ZNF609: variants seen among roughly 807,000 people sequenced by gnomAD.
ZNF609 encodes zinc finger protein 609.
Under a neutral mutation model 109.5 loss-of-function variants are expected in ZNF609, and 11 were observed. The observed-to-expected ratio is 0.10, with a 90% confidence interval of 0.06 to 0.17. ZNF609 has a LOEUF of 0.17. Among genes scored for constraint, ZNF609 ranks in the 10% least tolerant of loss-of-function variants. The pLI, the probability that ZNF609 is intolerant of heterozygous loss-of-function variation, is 1.00. For synonymous variants in ZNF609, 646 were observed against 662.0 expected (o/e 0.98, Z 0.37); for missense variants, 1,559 against 1,772.4 (o/e 0.88, Z 2.16).
At chr15:64,570,064 TG>T (rs1298868502) in intron 2 of ZNF609, among the ~76,000 whole-genome samples, 3 of 152,232 alleles carry the variant, frequency 2.0e-5, no homozygotes, top group Admixed American at 1.3e-4. Context: ...CTCGCTATAT[TG>T]CCCAGGCTTG....
chr15:64,487,548 A>G (rs1359205981), intron 1 of ZNF609, among the ~76,000 whole-genome samples: 1 of 151,866 alleles, frequency 6.6e-6, no homozygotes, highest in Non-Finnish European at 1.5e-5. Context: ...CCCAGTTGGT[A>G]TCCCTCTCCC....
At chr15:64,543,505 G>A (rs1372045092) in intron 2 of ZNF609, among the ~76,000 whole-genome samples, 3 of 149,762 alleles carry the variant, frequency 2.0e-5, no homozygotes, top group East Asian at 2.0e-4. Flanking sequence ...GTGCAGTGGC[G>A]TGATCTCGGC....
In ZNF609 at chr15:64,678,439, C is replaced by T. The variant is rs1416244483; in HGVS notation, c.3726C>T (p.Pro1242=). ...SYSQSYDPNH[P]SYRSMPAVMM... ...GTCAGTCCTACGACCCCAACCACCC[C>T]AGCTACCGGAGCATGCCTGCTGTGA... Residue 1242 remains proline, a synonymous_variant, in exon 6 of 10, where the codon CCC becomes CCT. Transcript: ENST00000326648. 6.2e-7 allele frequency: 1 copy of T among 1,606,478 alleles called. No individual in the cohort carries two copies. Among genetic ancestry groups the T allele is most frequent in the Non-Finnish European group, 8.5e-7 (1 of 1,175,980 alleles).
chr15:64,508,820 C>T (rs991143641), intron 2 of ZNF609, among the ~76,000 whole-genome samples: 1 of 151,798 alleles, frequency 6.6e-6, no homozygotes, highest in African/African-American at 2.4e-5. Flanking sequence ...CCTACCTCCC[C>T]AGTAGCTGGG....
chr15:64,651,011 T>C (rs1226369110), intron 3 of ZNF609, among the ~76,000 whole-genome samples: 1 of 152,162 alleles, frequency 6.6e-6, no homozygotes, highest in Non-Finnish European at 1.5e-5. Flanking sequence ...AGCAAACTAA[T>C]GGAAATAGGA....
chr15:64,615,324 G>A (rs867571350), intron 2 of ZNF609, among the ~76,000 whole-genome samples: 2 of 151,022 alleles, frequency 1.3e-5, no homozygotes, highest in African/African-American at 2.4e-5. Flanking sequence ...TGAATTTTTT[G>A]TAGAGACAAG....
intron 2 of ZNF609, among the ~76,000 whole-genome samples, chr15:64,620,191 CT>C (rs1347225187): frequency 6.6e-6 from 1 of 152,156 alleles, no homozygotes; most frequent in East Asian, 1.9e-4. Context: ...AGGAATTTCT[CT>C]TGTGAGTAGA....
At chr15:64,504,767 C>T (rs898721329) in intron 2 of ZNF609, among the ~76,000 whole-genome samples, 5 of 152,028 alleles carry the variant, frequency 3.3e-5, no homozygotes, top group Non-Finnish European at 7.4e-5. Flanking sequence ...AGGCATGAGC[C>T]ACCACACCCA....
At chr15:64,489,052 T>C (rs1445408263) in intron 1 of ZNF609, among the ~76,000 whole-genome samples, 1 of 152,042 alleles carries the variant, frequency 6.6e-6, no homozygotes. Context: ...TGCAGTGAGC[T>C]TGTGTTTGTT....
chr15:64,633,892 A>C (rs1016809759), intron 3 of ZNF609, among the ~76,000 whole-genome samples: 1 of 151,986 alleles, frequency 6.6e-6, no homozygotes, highest in Non-Finnish European at 1.5e-5. Context: ...GGAAAAAAAA[A>C]ATTATTAAAA....
At chr15:64,475,459 G>T (rs1476801562) in intron 1 of ZNF609, among the ~76,000 whole-genome samples, 10 of 144,066 alleles carry the variant, frequency 6.9e-5, no homozygotes, top group African/African-American at 2.3e-4. Flanking sequence ...AGCGATCTTG[G>T]CTCACTGCAA....
chr15:64,680,065 A>G, intron 6 of ZNF609, 120 bp from the exon 7 acceptor site: 1 of 1,059,048 alleles, frequency 9.4e-7, no homozygotes, highest in Non-Finnish European at 1.4e-6. Context: ...CAAAGACACT[A>G]TGTTAGAAAA....
At chr15:64,529,202 G>A in intron 2 of ZNF609, 1 of 731,226 alleles carries the variant, frequency 1.4e-6, no homozygotes, top group Non-Finnish European at 2.5e-6. Context: ...GGGGCGCTAA[G>A]CAGTTGGTGA....
chr15:64,543,134 A>G (rs754792563), intron 2 of ZNF609, among the ~76,000 whole-genome samples: 1 of 152,140 alleles, frequency 6.6e-6, no homozygotes, highest in Non-Finnish European at 1.5e-5. Flanking sequence ...CGTTCTGCAC[A>G]TGTATCCCAG....
intron 1 of ZNF609, among the ~76,000 whole-genome samples, chr15:64,498,534 TTTTC>T (rs1325707885): frequency 3.3e-5 from 5 of 152,024 alleles, no homozygotes; most frequent in Admixed American, 6.6e-5. Flanking sequence ...GAGTAAACAT[TTTTC>T]TTTATTTGTG....
intron 2 of ZNF609, among the ~76,000 whole-genome samples, chr15:64,603,292 T>TA (rs1450796907): frequency 6.8e-6 from 1 of 146,492 alleles, no homozygotes; most frequent in African/African-American, 2.6e-5. Context: ...TTTTTTGAGA[T>TA]AGAGTCTTGC....
intron 1 of ZNF609, among the ~76,000 whole-genome samples, chr15:64,467,729 C>T (rs1893035764): frequency 6.6e-6 from 1 of 152,134 alleles, no homozygotes; most frequent in Non-Finnish European, 1.5e-5. Flanking sequence ...TCTGTAGTCC[C>T]AGCTACTCGG....
At chr15:64,495,607 G>T (rs1893471248) in intron 1 of ZNF609, among the ~76,000 whole-genome samples, 1 of 151,888 alleles carries the variant, frequency 6.6e-6, no homozygotes, top group African/African-American at 2.4e-5. Context: ...CGTCATGCTG[G>T]CTAGGCTGAT....
rs543115653 is a variant in ZNF609 at position 64,586,460 on chromosome 15, G to A, written c.748-36367G>A. Among the ~76,000 whole-genome samples the A allele has an allele frequency of 2.6e-5, 4 of 152,268 alleles. No individual in the cohort carries two copies. In the East Asian group the frequency reaches 7.7e-4, roughly 29 times the overall value. On this transcript the variant is annotated intron_variant, in intron 2 of 9. Transcript: ENST00000326648. ...CTGGTCGCACAGCAGGAGGTGAGCA[G>A]TGGCTGAGAAAGTATTAGCACCTGA...
Sources: allele counts gnomAD v4.1 joint callset (sites outside exome capture counted in the v4.1 genomes callset), GRCh38; gene constraint gnomAD v4.1.1; transcripts MANE v1.5; gene names NCBI Gene and HGNC (gene_info 2026-07-23, HGNC 2026-07-21).